TRMT2B: variants seen among roughly 807,000 people sequenced by gnomAD.
TRMT2B encodes tRNA methyltransferase 2B, also known as tRNA (uracil-5-)-methyltransferase homolog B.
A neutral mutation model predicts 39.7 loss-of-function variants in TRMT2B; 34 were observed. The observed-to-expected ratio is 0.86, with a 90% CI of 0.65 to 1.14. TRMT2B has a LOEUF of 1.14. Ranked by LOEUF, TRMT2B falls within the 50% of genes most tolerant of loss-of-function variation. The pLI, the probability that TRMT2B is intolerant of heterozygous loss-of-function variation, is 0.00. For synonymous variants in TRMT2B, 132 were observed against 137.3 expected, an observed-to-expected ratio of 0.96 and a Z score of 0.27; for missense variants, 318 against 377.2, an observed-to-expected ratio of 0.84 and a Z score of 1.30.
chrX:100,987,509 A>C, the TRMT2B span: 1 of 1,211,273 alleles, frequency 8.3e-7, no homozygotes, highest in African/African-American at 1.7e-5. Context: ...CGAGCATCTC[A>C]ATCTCCAAGA....
At chrX:100,985,786 AACT>A in the TRMT2B span, 4 of 1,209,744 alleles carry the variant, frequency 3.3e-6, no homozygotes, top group Non-Finnish European at 4.5e-6. Context: ...AGCATGGCCA[AACT>A]ACTATGCACA....
At chrX:101,012,471 C>A (rs1167755374) in intron 13 of TRMT2B, among the ~76,000 whole-genome samples, 2 of 91,222 alleles carry the variant, frequency 2.2e-5, no homozygotes, top group Admixed American at 1.2e-4. Flanking sequence ...ATCCCTCCCC[C>A]CTCCCCCCAA....
intron 2 of TRMT2B, among the ~76,000 whole-genome samples, chrX:101,047,061 G>A (rs763490764): frequency 1.5e-4 from 17 of 110,616 alleles, no homozygotes; most frequent in African/African-American, 4.9e-4. Flanking sequence ...GTGAGACCCC[G>A]TCTCTACAAA....
the TRMT2B span, chrX:100,986,730 G>C: frequency 2.9e-6 from 2 of 698,110 alleles, no homozygotes; most frequent in South Asian, 3.2e-5. Context: ...TTCTTTTCTC[G>C]CCTTTTGCTT....
At chrX:100,975,933 G>A in the TRMT2B span, among the ~76,000 whole-genome samples, 1 of 110,618 alleles carries the variant, frequency 9.0e-6, no homozygotes, top group Non-Finnish European at 1.9e-5. Context: ...TGCGCCCGGC[G>A]ACATGTTGCC....
chrX:100,974,257 G>A, the TRMT2B span: 2 of 902,758 alleles, frequency 2.2e-6, no homozygotes, highest in South Asian at 2.2e-5. Flanking sequence ...AGAATCCAGT[G>A]AAATAATCCT....
chrX:101,020,699 T>A, intron 10 of TRMT2B, 111 bp from the exon 11 acceptor site: 6 of 612,181 alleles, frequency 9.8e-6, no homozygotes, highest in Non-Finnish European at 1.6e-5. Context: ...AAACAGGGTC[T>A]CACTCTGTAG....
At chrX:101,047,944 A>G (rs1052602334) in intron 2 of TRMT2B, among the ~76,000 whole-genome samples, 1 of 110,317 alleles carries the variant, frequency 9.1e-6, no homozygotes, top group African/African-American at 3.3e-5. Flanking sequence ...GGCATGAGCC[A>G]CCATGCCCAG....
At chrX:100,988,435 G>T in the TRMT2B span, 84 of 1,198,089 alleles carry the variant, frequency 7.0e-5, no homozygotes, top group Non-Finnish European at 8.7e-5. Context: ...TGCTTTAGAT[G>T]AACCCATGAA....
intron 9 of TRMT2B, 81 bp downstream of exon 9, chrX:101,021,887 A>G: frequency 1.4e-6 from 1 of 734,868 alleles, no homozygotes; most frequent in Non-Finnish European, 2.1e-6. Flanking sequence ...ATCCTCCACC[A>G]TCAATCAGCA....
Position 101,019,046 on chromosome X carries a change from C to T in TRMT2B, c.1313G>A (p.Arg438Gln), listed in dbSNP as rs2086665512. The T allele has an allele frequency of 1.7e-6, 2 of 1,205,465 alleles. No homozygotes were observed. The highest frequency in any genetic ancestry group is 1.8e-5 in the South Asian group (1 of 56,863). ...GLHYKVIQAI[R>Q]NFRAIHTLVF... is the part of the protein sequence containing the mutation. ...TAGCGTGTGGATGGCCCTGAAGTTTCGAATGGCTTGAATCACCTTGTAATC... is the reference window on the plus strand; with the variant it reads ...TAGCGTGTGGATGGCCCTGAAGTTTTGAATGGCTTGAATCACCTTGTAATC... The change falls in exon 13 of 14, where the codon CGA becomes CAA. Residue 438 changes from arginine (R) to glutamine (Q), a missense_variant. Physicochemically the swap from Arg to Gln is conservative, Grantham distance 43 (BLOSUM62 1). Transcript: ENST00000372936.
intron 13 of TRMT2B, among the ~76,000 whole-genome samples, chrX:101,018,588 T>C (rs926521519): frequency 6.4e-5 from 7 of 110,079 alleles, no homozygotes; most frequent in African/African-American, 2.3e-4. Context: ...TAGCTGGGAT[T>C]ACAGGCGCAC....
chrX:101,033,459 G>A (rs764697916), intron 7 of TRMT2B, among the ~76,000 whole-genome samples: 2 of 108,908 alleles, frequency 1.8e-5, no homozygotes, highest in South Asian at 8.1e-4. Flanking sequence ...GCCAGGCGTG[G>A]TGGTGTGTGC....
chrX:101,013,104 A>G (rs1038516348), intron 13 of TRMT2B, among the ~76,000 whole-genome samples: 1 of 111,713 alleles, frequency 9.0e-6, no homozygotes, highest in Non-Finnish European at 1.9e-5. Flanking sequence ...TACAGGCGTG[A>G]GCCACCGCGC....
At chrX:100,984,847 GTTCA>G in the TRMT2B span, among the ~76,000 whole-genome samples, 3 of 112,174 alleles carry the variant, frequency 2.7e-5, no homozygotes, top group South Asian at 1.1e-3. Flanking sequence ...AGGACCTCCT[GTTCA>G]TTCATTCATT....
the TRMT2B span, chrX:100,986,943 GCTGATGC>G: frequency 1.0e-6 from 1 of 957,205 alleles, no homozygotes; most frequent in South Asian, 2.3e-5. Context: ...CTGGAGCCCA[GCTGATGC>G]AGCCCTTGGC....
At chrX:100,985,564 C>A in the TRMT2B span, 10 of 966,674 alleles carry the variant, frequency 1.0e-5, no homozygotes, top group Non-Finnish European at 1.4e-5. Flanking sequence ...TACTTCCCAG[C>A]AGGATAGACA....
At chrX:100,982,155 C>T in the TRMT2B span, among the ~76,000 whole-genome samples, 1 of 110,910 alleles carries the variant, frequency 9.0e-6, no homozygotes, top group Non-Finnish European at 1.9e-5. Context: ...CATGATGCTT[C>T]AGCCCCACCC....
At chrX:100,976,849 T>C in the TRMT2B span, among the ~76,000 whole-genome samples, 2 of 112,513 alleles carry the variant, frequency 1.8e-5, no homozygotes, top group African/African-American at 6.5e-5. Flanking sequence ...CCACCCGCCT[T>C]GGCCTCCCAA....
Sources: gnomAD v4.1 joint callset for allele counts (sites outside exome capture counted in the v4.1 genomes callset) on GRCh38, gnomAD v4.1.1 for gene constraint, MANE v1.5 for transcripts, NCBI Gene and HGNC (gene_info 2026-07-23, HGNC 2026-07-21) for gene names.